Variants in TDRD9 observed in about 807,000 individuals in gnomAD.
The protein encoded by TDRD9 is tudor domain containing 9.
A neutral mutation model predicts 172.6 loss-of-function variants in TDRD9; 124 were observed. The observed-to-expected ratio is 0.72, with a 90% CI of 0.62 to 0.83. The LOEUF is 0.83. TDRD9 is among the 40% of genes least tolerant of loss of function. The pLI, the probability that TDRD9 is intolerant of heterozygous loss-of-function variation, is 0.00. For synonymous variants in TDRD9, 619 were observed against 617.1 expected (o/e 1.00, Z -0.05); for missense variants, 1,479 against 1,714.1 (o/e 0.86, Z 2.42).
chr14:104,028,068 A>T (rs2035177166), intron 28 of TDRD9, among the ~76,000 whole-genome samples: 1 of 152,280 alleles, frequency 6.6e-6, no homozygotes, highest in South Asian at 2.1e-4. Flanking sequence ...TTCTGTATAT[A>T]CTGCATTTTC....
At chr14:103,941,184 A>G (rs1266341509) in intron 1 of TDRD9, 6 of 1,159,872 alleles carry the variant, frequency 5.2e-6, no homozygotes, top group Non-Finnish European at 7.1e-6. Context: ...AGCTTGAATA[A>G]TGTATACAAG....
At chr14:104,000,987 C>T (rs1483247589) in intron 13 of TDRD9, among the ~76,000 whole-genome samples, 5 of 152,102 alleles carry the variant, frequency 3.3e-5, no homozygotes, top group African/African-American at 1.2e-4. Context: ...CCTTTGAATC[C>T]TTCTCTTATC....
intron 1 of TDRD9, among the ~76,000 whole-genome samples, chr14:103,943,396 T>C (rs867920659): frequency 6.6e-6 from 1 of 151,178 alleles, no homozygotes; most frequent in Non-Finnish European, 1.5e-5. Context: ...ATTTTATATA[T>C]GTACATATAT....
intron 1 of TDRD9, chr14:103,941,245 T>A: frequency 2.1e-6 from 2 of 945,252 alleles, no homozygotes; most frequent in African/African-American, 1.7e-5. Flanking sequence ...ATGCTTCTAG[T>A]AAAGAAATTT....
chr14:103,937,340 C>T (rs2152116974), intron 1 of TDRD9, among the ~76,000 whole-genome samples: 1 of 152,330 alleles, frequency 6.6e-6, no homozygotes. Flanking sequence ...AGCTTCCACA[C>T]TGACTCTTCT....
chr14:103,993,208 G>A (rs867888861), intron 9 of TDRD9, among the ~76,000 whole-genome samples: 1 of 151,878 alleles, frequency 6.6e-6, no homozygotes, highest in South Asian at 2.1e-4. Context: ...CGAACTGCTA[G>A]GCTCAAGTGA....
intron 28 of TDRD9, among the ~76,000 whole-genome samples, chr14:104,027,368 T>G (rs906466876): frequency 6.6e-6 from 1 of 152,088 alleles, no homozygotes; most frequent in Non-Finnish European, 1.5e-5. Context: ...TTTATCTTCT[T>G]AGGATAGATT....
rs1457476845 is a variant in TDRD9 at position 104,009,767 on chromosome 14, T to C, written c.2106+1301T>C. ...ATTCTATAAGTTTTTATCTATTTCC[T>C]TATTTATTTGGTTTTTGAGCTAGGA... On this transcript the variant is annotated intron_variant, in intron 20 of 35. Coordinates refer to ENST00000409874, the MANE Select transcript of TDRD9 (RefSeq NM_153046.3). Among the ~76,000 whole-genome samples the C allele has an allele frequency of 5.3e-5, 8 of 152,234 alleles. No individual in the cohort carries two copies. The East Asian group carries it at 1.5e-3, about 29-fold the overall frequency.
At chr14:103,988,959 CTCTT>C (rs952061701) in intron 8 of TDRD9, among the ~76,000 whole-genome samples, 1 of 152,026 alleles carries the variant, frequency 6.6e-6, no homozygotes, top group Non-Finnish European at 1.5e-5. Context: ...TTTACCAGTT[CTCTT>C]TCTTTGTTCA....
At chr14:103,941,151 A>T (rs991212085) in intron 1 of TDRD9, 10 of 1,376,544 alleles carry the variant, frequency 7.3e-6, no homozygotes, top group African/African-American at 5.8e-5. Flanking sequence ...ATTTTTTGTT[A>T]TATCTCTTTA....
rs1003577753 is a variant in TDRD9, at chr14:103,980,052, AT to A, written c.1011+4506del. On this transcript the variant is annotated intron_variant, in intron 7 of 35. Transcript: ENST00000409874. The surrounding 1 kb of genome is among the most constrained non-coding windows in gnomAD (Gnocchi z 4.5). Reference sequence around the variant, plus strand: ...CACCATGCTTGGCTAATTAAAAAAAATTTTTTTGTGGAGATAGGGTCTTGCT... The same window carrying A: ...CACCATGCTTGGCTAATTAAAAAAAATTTTTTGTGGAGATAGGGTCTTGCT... 2.2e-4 allele frequency among the ~76,000 whole-genome samples: 34 copies of A among 152,022 alleles called. No individual in the cohort carries two copies. The highest frequency in any genetic ancestry group is 8.2e-4 in the African/African-American group (34 of 41,464).
intron 30 of TDRD9, among the ~76,000 whole-genome samples, chr14:104,033,613 G>T (rs1239702610): frequency 4.6e-5 from 7 of 152,144 alleles, no homozygotes; most frequent in Non-Finnish European, 1.5e-5. Flanking sequence ...CTGCCAGGAT[G>T]CAGGTGATGG....
intron 32 of TDRD9, among the ~76,000 whole-genome samples, chr14:104,037,431 T>G (rs944803034): frequency 2.6e-5 from 4 of 152,206 alleles, no homozygotes; most frequent in Admixed American, 2.6e-4. Flanking sequence ...CTGGGTAAAG[T>G]CTGTTCTCCC....
At chr14:103,996,543 A>C (rs537286515) in intron 12 of TDRD9, among the ~76,000 whole-genome samples, 4 of 152,312 alleles carry the variant, frequency 2.6e-5, no homozygotes, top group African/African-American at 9.6e-5. Flanking sequence ...ATTTTAATAG[A>C]GACCTGGATT....
At chr14:104,007,702 C>T (rs757394556) in intron 19 of TDRD9, among the ~76,000 whole-genome samples, 18 of 150,986 alleles carry the variant, frequency 1.2e-4, no homozygotes, top group Non-Finnish European at 5.9e-5. Flanking sequence ...AGACTGTTTA[C>T]AGGTCTGCCG....
intron 28 of TDRD9, 41 bp from the exon 29 acceptor site, chr14:104,031,067 A>G: frequency 1.3e-6 from 2 of 1,529,508 alleles, no homozygotes; most frequent in African/African-American, 2.8e-5. Flanking sequence ...AGTCCTTGTA[A>G]TATTTTCTTT....
rs1208521537 is a variant in TDRD9 at position 103,980,576 on chromosome 14, A to C, written c.1011+5023A>C. ...AGTGTGACCACTGAAGCACAGCATC[A>C]CAGGGAGACGGTTAGGCCTCCGGAT... is the stretch of plus-strand genomic sequence containing the variant. On this transcript the variant is annotated intron_variant, in intron 7 of 35. Transcript: ENST00000409874. The surrounding 1 kb of genome is among the most constrained non-coding windows in gnomAD (Gnocchi z 4.5). 6.6e-6 allele frequency among the ~76,000 whole-genome samples: 1 copy of C among 152,218 alleles called. No individual in the cohort carries two copies. The highest frequency in any genetic ancestry group is 1.5e-5 in the Non-Finnish European group (1 of 68,026).
At chr14:103,948,493 T>C (rs557463949) in intron 1 of TDRD9, among the ~76,000 whole-genome samples, 2 of 152,166 alleles carry the variant, frequency 1.3e-5, no homozygotes, top group Non-Finnish European at 2.9e-5. Context: ...CACTTTTGGG[T>C]ATATACCCAG....
At chr14:103,955,426 G>A (rs2032146299) in intron 1 of TDRD9, among the ~76,000 whole-genome samples, 1 of 152,236 alleles carries the variant, frequency 6.6e-6, no homozygotes, top group South Asian at 2.1e-4. Context: ...TACCATAAAT[G>A]TATCTCTCCT....
Sources: allele counts gnomAD v4.1 joint callset (sites outside exome capture counted in the v4.1 genomes callset), GRCh38; gene constraint gnomAD v4.1.1; non-coding constraint Gnocchi (gnomAD v3.1); transcripts MANE v1.5; gene names NCBI Gene and HGNC (gene_info 2026-07-23, HGNC 2026-07-21).